The following FNDC3B variants were observed in gnomAD, a reference collection of about 807,000 sequenced individuals.
FNDC3B encodes fibronectin type III domain-containing protein 3B.
Under a neutral mutation model 151.5 loss-of-function variants are expected in FNDC3B, and 12 were observed. The ratio of observed to expected loss-of-function variants is 0.08; its 90% CI spans 0.05 to 0.13. The LOEUF is 0.13. Ranked by LOEUF, FNDC3B falls within the 10% of genes least tolerant of loss-of-function variation. The probability of loss-of-function intolerance (pLI) is 1.00; values close to 1 mark genes in which losing one functional copy is unlikely to be tolerated. For missense variants in FNDC3B, 1,214 were observed against 1,505.3 expected (o/e 0.81, Z 3.20); for synonymous variants, 528 against 549.0 (o/e 0.96, Z 0.54).
intron 4 of FNDC3B, among the ~76,000 whole-genome samples, chr3:172,231,898 T>C (rs1008885658): frequency 6.7e-6 from 1 of 149,828 alleles, no homozygotes; most frequent in African/African-American, 2.5e-5. Context: ...TTTTTTTTTT[T>C]GAGATGGAGT....
intron 11 of FNDC3B, among the ~76,000 whole-genome samples, chr3:172,325,964 C>T (rs1732321435): frequency 6.6e-6 from 1 of 152,172 alleles, no homozygotes; most frequent in African/African-American, 2.4e-5. Context: ...GCTGGGATTA[C>T]AGGCGTCTAC....
intron 1 of FNDC3B, among the ~76,000 whole-genome samples, chr3:172,101,983 A>T (rs540995362): frequency 6.6e-6 from 1 of 152,286 alleles, no homozygotes. Context: ...TAGGAGGGAG[A>T]TGTACTCTCA....
At chr3:172,313,571 C>T (rs1307529078) in intron 11 of FNDC3B, among the ~76,000 whole-genome samples, 1 of 152,186 alleles carries the variant, frequency 6.6e-6, no homozygotes, top group African/African-American at 2.4e-5. Flanking sequence ...GCACATTGTC[C>T]TGTGAGGGAT....
chr3:172,052,089 T>G (rs1450373638), intron 1 of FNDC3B, among the ~76,000 whole-genome samples: 1 of 140,776 alleles, frequency 7.1e-6, no homozygotes, highest in East Asian at 2.0e-4. Context: ...TGTCTTCTTC[T>G]TTTTTTTTTT....
chr3:172,074,380 A>G (rs1281903741), intron 1 of FNDC3B, among the ~76,000 whole-genome samples: 1 of 152,256 alleles, frequency 6.6e-6, no homozygotes, highest in Non-Finnish European at 1.5e-5. Flanking sequence ...TAGAGCAGCC[A>G]TGTATCAAGG....
chr3:172,155,879 T>G (rs1417177103), intron 3 of FNDC3B, among the ~76,000 whole-genome samples: 2 of 152,222 alleles, frequency 1.3e-5, no homozygotes, highest in African/African-American at 4.8e-5. Context: ...GGATTTGTAC[T>G]TGGTCCGGGA....
intron 1 of FNDC3B, among the ~76,000 whole-genome samples, chr3:172,044,283 CTT>C (rs767357950): frequency 1.5e-3 from 171 of 110,384 alleles, no homozygotes; most frequent in African/African-American, 5.6e-3. Context: ...AATTCCAACT[CTT>C]TTTTTTTTTT....
chr3:172,241,868 A>G (rs1049880081), intron 4 of FNDC3B, among the ~76,000 whole-genome samples: 1 of 152,232 alleles, frequency 6.6e-6, no homozygotes, highest in African/African-American at 2.4e-5. Context: ...TCAAAAGTCC[A>G]CAATCCAAAG....
At chr3:172,388,314 G>T (rs1396935921) in intron 25 of FNDC3B, among the ~76,000 whole-genome samples, 1 of 152,112 alleles carries the variant, frequency 6.6e-6, no homozygotes, top group Non-Finnish European at 1.5e-5. Flanking sequence ...GCTTTCAGTT[G>T]TCTGGGTATT....
At chr3:172,294,598 G>T (rs1467989774) in intron 7 of FNDC3B, among the ~76,000 whole-genome samples, 1 of 152,182 alleles carries the variant, frequency 6.6e-6, no homozygotes, top group Non-Finnish European at 1.5e-5. Context: ...AGATTTGGGT[G>T]GGGACACAAA....
Position 172,251,404 on chromosome 3 carries a change from G to A in FNDC3B, c.653G>A (p.Cys218Tyr), listed in dbSNP as rs1156515037. 2 of 1,614,090 alleles carry A rather than the reference G, an allele frequency of 1.2e-6. No individual in the cohort carries two copies. The highest frequency in any genetic ancestry group is 4.5e-5 in the East Asian group (2 of 44,862). Residue 218 changes from cysteine to tyrosine, a missense_variant, in exon 6 of 26, where the codon TGC becomes TAC. This residue lies in a region of FNDC3B where 166 missense variants were observed against 173.2 expected (regional missense o/e 0.96). Coordinates refer to ENST00000415807, the MANE Select transcript of FNDC3B (RefSeq NM_022763.4). ...CCTTCTTCTATCTACAAAAGCAGCTGCACAACAGTATACAATGGCTATGGG... is the reference window on the plus strand; with the variant it reads ...CCTTCTTCTATCTACAAAAGCAGCTACACAACAGTATACAATGGCTATGGG... Reference protein sequence around the residue: ...SPPSSIYKSSCTTVYNGYGKG... With the variant: ...SPPSSIYKSSYTTVYNGYGKG...
At chr3:172,266,019 A>T (rs549143077) in intron 6 of FNDC3B, among the ~76,000 whole-genome samples, 30 of 152,358 alleles carry the variant, frequency 2.0e-4, no homozygotes, top group Middle Eastern at 6.8e-3. Flanking sequence ...CAGTATTCTC[A>T]ATCTTTTTTA....
intron 3 of FNDC3B, among the ~76,000 whole-genome samples, chr3:172,157,053 G>A (rs1286270867): frequency 6.6e-6 from 1 of 152,196 alleles, no homozygotes; most frequent in Non-Finnish European, 1.5e-5. Context: ...TATACAAGCA[G>A]TGTCATATAT....
intron 4 of FNDC3B, among the ~76,000 whole-genome samples, chr3:172,238,320 A>G (rs573028540): frequency 2.6e-5 from 4 of 152,176 alleles, no homozygotes; most frequent in African/African-American, 9.6e-5. Context: ...CACACCCAGC[A>G]AATTTTTGTA....
In FNDC3B at chr3:172,040,756, G is replaced by A. The variant is rs1033538823; in HGVS notation, c.-29+985G>A. ...GGCTGGGCTGGGGCCGGCAGGCGTG[G>A]GAAGGGCCTGTCACTCTCGGCAGAA... On this transcript the variant is annotated intron_variant, in intron 1 of 25. Transcript: ENST00000415807. This position sits in a 1 kb window ranked among gnomAD's most constrained non-coding sequence, Gnocchi z 6.6. 1 of 152,206 alleles carries A rather than the reference G, an allele frequency of 6.6e-6. No individual in the cohort carries two copies. Among genetic ancestry groups the A allele is most frequent in the Non-Finnish European group, 1.5e-5 (1 of 68,074 alleles). The allele number at this position is 152,206 out of a possible 1,614,324, so 9.4% of individuals were successfully genotyped here.
chr3:172,103,273 G>C (rs145708637), intron 1 of FNDC3B, among the ~76,000 whole-genome samples: 5 of 152,090 alleles, frequency 3.3e-5, no homozygotes, highest in Admixed American at 6.5e-5. Context: ...TGTATATATA[G>C]TGATGTAATT....
rs1200497979 is a variant in FNDC3B, at chr3:172,039,627, G to GGCGGCGGCGGCGGCTGGAGGAGGAGA, written c.-159_-134dup. On this transcript the variant is annotated 5_prime_UTR_variant, in exon 1 of 26. Coordinates refer to ENST00000415807, the MANE Select transcript of FNDC3B (RefSeq NM_022763.4). ...AAACCCTCCTGGTAGTTATTTGAGC[G>GGCGGCGGCGGCGGCTGGAGGAGGAGA]GCGGCGGCGGCGGCTGGAGGAGGAG... The GGCGGCGGCGGCGGCTGGAGGAGGAGA allele has an allele frequency of 1.1e-3, 174 of 161,326 alleles. 5 individuals carry two copies. In the East Asian group the frequency reaches 0.029, roughly 27 times the overall value. The allele number at this position is 161,326 out of a possible 1,614,324, so 10.0% of individuals were successfully genotyped here.
Position 172,226,979 on chromosome 3 carries a change from A to G in FNDC3B, c.264+32A>G, listed in dbSNP as rs140788035. ...CATTTGATGGACTTCTCTACTCACT[A>G]TGGACACTGTCGTTGCTCCAACAGA... is the stretch of plus-strand genomic sequence containing the variant. On this transcript the variant is annotated intron_variant, in intron 4 of 25. Transcript: ENST00000415807. The G allele has an allele frequency of 4.9e-4, 673 of 1,369,610 alleles. 15 individuals carry two copies. The East Asian group carries it at 0.014, about 28-fold the overall frequency. The allele number at this position is 1,369,610 out of a possible 1,614,324, so 84.8% of individuals were successfully genotyped here.
At position 172,074,079 on chromosome 3, in the gene FNDC3B, A is replaced by G. The variant is rs551679297; in HGVS notation, c.-29+34308A>G. ...TTCTCTGAGTAAGACCTTGCAAAAC[A>G]TAGATTGAAATATAATTGTCTGCAA... On this transcript the variant is annotated intron_variant, in intron 1 of 25. Transcript: ENST00000415807. Among the ~76,000 whole-genome samples, 55 of 152,350 alleles carry G rather than the reference A, an allele frequency of 3.6e-4. No individual in the cohort carries two copies. In the Middle Eastern group the frequency reaches 0.01, roughly 28 times the overall value.
Sources: allele counts gnomAD v4.1 joint callset (sites outside exome capture counted in the v4.1 genomes callset), GRCh38; gene constraint gnomAD v4.1.1; regional missense constraint gnomAD v4.1.1; non-coding constraint Gnocchi (gnomAD v3.1); transcripts MANE v1.5; gene names NCBI Gene and HGNC (gene_info 2026-07-23, HGNC 2026-07-21).